FHOD3: variants seen among roughly 807,000 people sequenced by gnomAD.
FHOD3 encodes the protein formin homology 2 domain containing 3, also known as FH1/FH2 domain-containing protein 3.
FHOD3 carries 90 observed loss-of-function variants against 173.0 expected under a neutral mutation model. The ratio of observed to expected loss-of-function variants is 0.52; its 90% CI spans 0.44 to 0.62. The LOEUF is 0.62. Ranked by LOEUF, FHOD3 falls within the 20% of genes least tolerant of loss-of-function variation. The probability of loss-of-function intolerance (pLI) is 0.00; values close to 1 mark genes in which losing one functional copy is unlikely to be tolerated. For missense variants in FHOD3, 1,945 were observed against 2,034.7 expected (o/e 0.96, Z 0.85); for synonymous variants, 828 against 823.0 (o/e 1.01, Z -0.10).
At position 36,747,228 on chromosome 18, in the gene FHOD3, A is replaced by AT. The variant is rs138041688; in HGVS notation, c.4232+99dup. 0.011 allele frequency: 11,193 copies of AT among 1,027,092 alleles called. 892 individuals are homozygous for AT. In the African/African-American group the frequency reaches 0.17, roughly 15 times the overall value. The allele number at this position is 1,027,092 out of a possible 1,614,324, so 63.6% of individuals were successfully genotyped here. ...TAAGAGCCGATGGTTAAATTTACAG[A>AT]TTTTTTGTACATTCTTGGTACATAG... is the stretch of plus-strand genomic sequence containing the variant. On this transcript the variant is annotated intron_variant, in intron 24 of 28. Coordinates refer to ENST00000590592, the MANE Select transcript of FHOD3 (RefSeq NM_001281740.3).
At chr18:36,698,701 C>A (rs1467571237) in intron 17 of FHOD3, among the ~76,000 whole-genome samples, 1 of 152,208 alleles carries the variant, frequency 6.6e-6, no homozygotes, top group African/African-American at 2.4e-5. Flanking sequence ...TATTTGTAAG[C>A]TAATGTGCTG....
intron 3 of FHOD3, among the ~76,000 whole-genome samples, chr18:36,418,724 G>A (rs2049810459): frequency 6.6e-6 from 1 of 152,066 alleles, no homozygotes; most frequent in African/African-American, 2.4e-5. Flanking sequence ...AGACCACCGT[G>A]GGCAATATGG....
chr18:36,355,543 A>C lies in FHOD3; in HGVS notation c.170A>C (p.Asp57Ala). 1 of 1,614,070 alleles carries C rather than the reference A, an allele frequency of 6.2e-7. No individual in the cohort carries two copies. The highest frequency in any genetic ancestry group is 8.5e-7 in the Non-Finnish European group (1 of 1,179,952). The change falls in exon 2 of 29, where the codon GAT (aspartate) becomes GCT (alanine). Residue 57 changes from aspartate to alanine, a missense_variant. Asp to Ala is a moderately radical substitution (Grantham distance 126). Transcript: ENST00000590592. ...HRLLQAPHKLDDCTLQLSHNG... is the reference protein window; with the variant it reads ...HRLLQAPHKLADCTLQLSHNG... ...AACAGGCTCTTTCTCTTGCAGCTGG[A>C]TGACTGTACTCTGCAGCTCTCTCAC... is the stretch of plus-strand genomic sequence containing the variant.
intron 3 of FHOD3, among the ~76,000 whole-genome samples, chr18:36,458,825 C>A (rs897465985): frequency 6.6e-6 from 1 of 152,092 alleles, no homozygotes; most frequent in Non-Finnish European, 1.5e-5. Flanking sequence ...TTAGTACTTT[C>A]CAGCCTAGAA....
intron 4 of FHOD3, among the ~76,000 whole-genome samples, chr18:36,511,357 GT>G (rs760692797): frequency 1.6e-4 from 23 of 143,632 alleles, no homozygotes; most frequent in Non-Finnish European, 2.6e-4. Context: ...TCTTGCCAAT[GT>G]TTTTTTTTTT....
intron 3 of FHOD3, among the ~76,000 whole-genome samples, chr18:36,475,442 T>C (rs2053510420): frequency 6.9e-6 from 1 of 145,906 alleles, no homozygotes; most frequent in Non-Finnish European, 1.5e-5. Flanking sequence ...TCTTTTTAAA[T>C]AGGTAGTTCA....
At chr18:36,429,374 G>C (rs2050411158) in intron 3 of FHOD3, among the ~76,000 whole-genome samples, 1 of 152,172 alleles carries the variant, frequency 6.6e-6, no homozygotes, top group Non-Finnish European at 1.5e-5. Flanking sequence ...ATGAGATTTA[G>C]AGCCCCAGCA....
intron 16 of FHOD3, among the ~76,000 whole-genome samples, chr18:36,687,382 T>C (rs1305697430): frequency 2.6e-5 from 4 of 152,206 alleles, no homozygotes; most frequent in East Asian, 3.9e-4. Flanking sequence ...CATGGTTAAG[T>C]GTGTCTATTC....
intron 3 of FHOD3, among the ~76,000 whole-genome samples, chr18:36,379,788 G>A (rs1323828035): frequency 6.6e-6 from 1 of 152,202 alleles, no homozygotes; most frequent in Non-Finnish European, 1.5e-5. Context: ...TGTGATGTGA[G>A]CTCTAGTGAC....
chr18:36,478,559 G>C (rs1032491431), intron 3 of FHOD3, among the ~76,000 whole-genome samples: 6 of 152,028 alleles, frequency 3.9e-5, no homozygotes, highest in African/African-American at 1.4e-4. Flanking sequence ...CTCTGCCAAT[G>C]TAGCCTCTTC....
At chr18:36,331,697 G>A (rs139430927) in intron 1 of FHOD3, among the ~76,000 whole-genome samples, 4 of 152,062 alleles carry the variant, frequency 2.6e-5, no homozygotes, top group Non-Finnish European at 4.4e-5. Context: ...AGGGAAGTTC[G>A]CTGATTTAGC....
At chr18:36,658,016 C>CAAG in intron 13 of FHOD3, 59 bp from the exon 14 acceptor site, 4 of 1,264,486 alleles carry the variant, frequency 3.2e-6, no homozygotes, top group Admixed American at 3.7e-5. Flanking sequence ...GTCTTATTTA[C>CAAG]TGACTTGTAC....
intron 3 of FHOD3, among the ~76,000 whole-genome samples, chr18:36,391,422 C>G (rs886710635): frequency 6.6e-6 from 1 of 152,000 alleles, no homozygotes; most frequent in Non-Finnish European, 1.5e-5. Flanking sequence ...GCTGGGGTAG[C>G]CTTGTTCATG....
chr18:36,664,374 A>T (rs1190380141), intron 14 of FHOD3, among the ~76,000 whole-genome samples: 5 of 152,122 alleles, frequency 3.3e-5, no homozygotes, highest in Admixed American at 2.0e-4. Flanking sequence ...CAGTCTTCCC[A>T]CTTGCCTGCC....
intron 7 of FHOD3, among the ~76,000 whole-genome samples, chr18:36,599,289 C>T (rs185254164): frequency 1.3e-5 from 2 of 152,282 alleles, no homozygotes; most frequent in East Asian, 3.9e-4. Flanking sequence ...ACTAATCTGG[C>T]TCAGCAGAGC....
At chr18:36,342,289 AG>A (rs1276713286) in intron 1 of FHOD3, among the ~76,000 whole-genome samples, 3 of 152,146 alleles carry the variant, frequency 2.0e-5, no homozygotes, top group Non-Finnish European at 4.4e-5. Flanking sequence ...GAGAATGGAC[AG>A]CAGAAATATT....
chr18:36,748,096 A>C (rs914963878), intron 24 of FHOD3, among the ~76,000 whole-genome samples: 1 of 152,046 alleles, frequency 6.6e-6, no homozygotes, highest in Non-Finnish European at 1.5e-5. Context: ...GTAGTTTTTA[A>C]AGTTGGACGG....
chr18:36,658,350 A>G (rs181941305), intron 14 of FHOD3, among the ~76,000 whole-genome samples, 162 bp downstream of exon 14: 2 of 152,312 alleles, frequency 1.3e-5, no homozygotes, highest in East Asian at 1.9e-4. Flanking sequence ...TTTCTTTCAC[A>G]CTATTTACTA....
chr18:36,309,612 G>A (rs528068059), intron 1 of FHOD3, among the ~76,000 whole-genome samples: 32 of 152,308 alleles, frequency 2.1e-4, no homozygotes, highest in African/African-American at 7.5e-4. Context: ...GTCCGGGAGC[G>A]GCTAGTGTCT....
Sources: allele counts gnomAD v4.1 joint callset (sites outside exome capture counted in the v4.1 genomes callset), GRCh38; gene constraint gnomAD v4.1.1; transcripts MANE v1.5; gene names NCBI Gene and HGNC (gene_info 2026-07-23, HGNC 2026-07-21).